Variants in CCDC121 observed in about 807,000 individuals in gnomAD.
CCDC121 encodes the protein coiled-coil domain containing 121.
For synonymous variants in CCDC121, 108 were observed against 120.0 expected, an observed-to-expected ratio of 0.90 and a Z score of 0.65; for missense variants, 238 against 304.1, an observed-to-expected ratio of 0.78 and a Z score of 1.62.
Position 27,627,103 on chromosome 2 carries a change from C to G in CCDC121, c.697G>C (p.Glu233Gln). 4 of 1,614,152 alleles carry G rather than the reference C, an allele frequency of 2.5e-6. No homozygotes were observed. The highest frequency in any genetic ancestry group is 3.4e-6 in the Non-Finnish European group (4 of 1,180,024). Residue 233 changes from glutamate (E) to glutamine (Q), a missense_variant, in exon 2 of 2, where the codon GAA becomes CAA. Coordinates refer to ENST00000324364, the MANE Select transcript of CCDC121 (RefSeq NM_024584.5). ...ATTAAGGACTCCAGATACCACTGTT[C>G]CTGCTGCAGCTGCTGCTTCCTGTTT... ...LENRKQQLQQEQWYLESLIQA... is the reference protein window; with the variant it reads ...LENRKQQLQQQQWYLESLIQA...
chr2:27,627,067 G>A lies in CCDC121; in HGVS notation c.733C>T (p.Gln245Ter), dbSNP rs1673303084. 1 of 1,613,428 alleles carries A rather than the reference G, an allele frequency of 6.2e-7. No individual in the cohort carries two copies. Among genetic ancestry groups the A allele is most frequent in the Non-Finnish European group, 8.5e-7 (1 of 1,179,512 alleles). ...TGATTATGACTTCCTTGCAGTCTCT[G>A]CCTCGCCTGGATTAAGGACTCCAGA... Reference protein sequence around the residue: ...WYLESLIQARQRLQGSHNQCL... With the variant: ...WYLESLIQAR The change falls in exon 2 of 2, where the codon CAG becomes TAG. Residue 245 changes from glutamine to a stop codon, truncating the protein, a stop_gained. Transcript: ENST00000324364. LOFTEE classifies it low-confidence loss of function (END_TRUNC).
chr2:27,627,028 G>A lies in CCDC121; in HGVS notation c.772C>T (p.Gln258Ter). ...QGSHNQCLNRQDVPKTTPSLP... is the reference protein window; with the variant it reads ...QGSHNQCLNR ...CTGGGTGTGGTCTTTGGAACATCCT[G>A]TCTATTTAGGCACTGATTATGACTT... The change falls in exon 2 of 2, where the codon CAG becomes TAG. Residue 258 changes from glutamine to a stop codon, truncating the protein, a stop_gained. Coordinates refer to ENST00000324364, the MANE Select transcript of CCDC121 (RefSeq NM_024584.5). LOFTEE classifies it low-confidence loss of function (END_TRUNC). 6.2e-7 allele frequency: 1 copy of A among 1,614,122 alleles called. No homozygotes were observed. The highest frequency in any genetic ancestry group is 8.5e-7 in the Non-Finnish European group (1 of 1,179,996).
Position 27,628,955 on chromosome 2 carries a change from C to G in CCDC121, c.-124G>C. On this transcript the variant is annotated 5_prime_UTR_variant, in exon 1 of 2. Transcript: ENST00000324364. ...GCAACCGCCGCGCCCCTCACCCGCT[C>G]CTTTCTGACGCTGTGGTGGTTTTCG... 6.4e-7 allele frequency: 1 copy of G among 1,563,670 alleles called. No homozygotes were observed. The highest frequency in any genetic ancestry group is 8.7e-7 in the Non-Finnish European group (1 of 1,154,858).
intron 1 of CCDC121, chr2:27,628,631 T>C (rs1170666282): frequency 5.8e-6 from 9 of 1,551,448 alleles, no homozygotes; most frequent in Admixed American, 2.0e-5. Context: ...CTGAACTGTT[T>C]AACCGCCTCG....
chr2:27,626,375 A>C lies in CCDC121; in HGVS notation c.*588T>G. ...TACCTTCTCAAACTTGTAGGGGCTT[A>C]GCATCAGATGAAAGGTCACTCTGCC... On this transcript the variant is annotated 3_prime_UTR_variant, in exon 2 of 2. Coordinates refer to ENST00000324364, the MANE Select transcript of CCDC121 (RefSeq NM_024584.5). 1 of 152,384 alleles carries C rather than the reference A, an allele frequency of 6.6e-6. No homozygotes were observed. The highest frequency in any genetic ancestry group is 1.9e-4 in the East Asian group (1 of 5,344). 9.4% of individuals were successfully genotyped at this position (152,384 alleles called of 1,614,324 possible). A position where few individuals can be genotyped will look rare whatever the true frequency, so the allele number is the denominator to read the frequency against.
intron 1 of CCDC121, chr2:27,628,636 G>A (rs1350445182): frequency 1.5e-5 from 23 of 1,551,388 alleles, no homozygotes; most frequent in Non-Finnish European, 1.9e-5. Context: ...CTGTTTAACC[G>A]CCTCGGCTAC....
At chr2:27,628,606 C>T in intron 1 of CCDC121, 3 of 1,551,550 alleles carry the variant, frequency 1.9e-6, no homozygotes, top group Non-Finnish European at 1.7e-6. Context: ...TGCTCCAGTC[C>T]CGGCTGGTCC....
chr2:27,628,347 C>A, intron 1 of CCDC121: 1 of 1,494,792 alleles, frequency 6.7e-7, no homozygotes, highest in Non-Finnish European at 8.9e-7. Flanking sequence ...TTCTGAGGGA[C>A]CTTCAGTGAC....
chr2:27,628,374 C>G (rs1286877189), intron 1 of CCDC121: 3 of 1,539,822 alleles, frequency 1.9e-6, no homozygotes, highest in East Asian at 4.9e-5. Context: ...GGAGGAAGCT[C>G]CCCTCCAGTA....
At position 27,627,297 on chromosome 2, in the gene CCDC121, C is replaced by G; in HGVS notation, c.503G>C (p.Arg168Thr). Residue 168 changes from arginine to threonine, a missense_variant, in exon 2 of 2, where the codon AGA becomes ACA. By Grantham distance (71) the Arg-to-Thr change is moderately conservative. Transcript: ENST00000324364. ...CTTCATATTAAGCTCTCTTCTTTTT[C>G]TCTTTCCCAGTAGCCTCCTGTCTGG... ...SEPDRRLLGK[R>T]KRRELNMKAQ... 1 of 1,613,994 alleles carries G rather than the reference C, an allele frequency of 6.2e-7. No individual in the cohort carries two copies. Among genetic ancestry groups the G allele is most frequent in the Non-Finnish European group, 8.5e-7 (1 of 1,179,878 alleles).
chr2:27,627,669 G>T lies in CCDC121; in HGVS notation c.131C>A (p.Thr44Asn), dbSNP rs781002632. Reference protein sequence around the residue: ...AENRFFLEYLTNKTEEYTEQP... With the variant: ...AENRFFLEYLNNKTEEYTEQP... ...CTCTGTGTACTCTTCAGTTTTGTTA[G>T]TCAGGTATTCCAGAAAGAATCTGTT... Residue 44 changes from threonine (T) to asparagine (N), a missense_variant, in exon 2 of 2, where the codon ACT becomes AAT. Transcript: ENST00000324364. The T allele has an allele frequency of 4.3e-6, 7 of 1,612,898 alleles. No individual in the cohort carries two copies. Among genetic ancestry groups the T allele is most frequent in the African/African-American group, 1.3e-5 (1 of 74,586 alleles).
Position 27,626,774 on chromosome 2 carries a change from AGTTAAGGGAAGC to A in CCDC121, c.*177_*188del. On this transcript the variant is annotated 3_prime_UTR_variant, in exon 2 of 2. Coordinates refer to ENST00000324364, the MANE Select transcript of CCDC121 (RefSeq NM_024584.5). ...TTAACGAGTATTTAAAGAAAAAGCTAGTTAAGGGAAGCTGGTTACCAAATATCTAGTAGGACT... is the reference window on the plus strand; with the variant it reads ...TTAACGAGTATTTAAAGAAAAAGCTATGGTTACCAAATATCTAGTAGGACT... 2.0e-6 allele frequency: 1 copy of A among 508,880 alleles called. No individual in the cohort carries two copies. Among genetic ancestry groups the A allele is most frequent in the Non-Finnish European group, 3.5e-6 (1 of 286,082 alleles). The allele number at this position is 508,880 out of a possible 1,614,324, so 31.5% of individuals were successfully genotyped here.
At chr2:27,628,743 G>C in intron 1 of CCDC121, 1 of 1,549,084 alleles carries the variant, frequency 6.5e-7, no homozygotes, top group Non-Finnish European at 8.7e-7. Context: ...TGCTGTGTGA[G>C]CCCTGCCCTC....
chr2:27,628,753 C>T (rs1284747439), intron 1 of CCDC121, 197 bp downstream of exon 1: 9 of 1,545,694 alleles, frequency 5.8e-6, no homozygotes, highest in Non-Finnish European at 7.9e-6. Context: ...GCCCTGCCCT[C>T]GGGACCCCAT....
rs199568016 is a variant in CCDC121 at position 27,627,061 on chromosome 2, GTC to G, written c.737_738del (p.Arg246ThrfsTer6). On this transcript the variant is annotated frameshift_variant, in exon 2 of 2. Coordinates refer to ENST00000324364, the MANE Select transcript of CCDC121 (RefSeq NM_024584.5). LOFTEE classifies it low-confidence loss of function (END_TRUNC). The stretch of plus-strand genomic sequence containing the variant: ...AGGCACTGATTATGACTTCCTTGCA[GTC>G]TCTGCCTCGCCTGGATTAAGGACTC... ...YLESLIQARQ[R>X]LQGSHNQCLN... is the part of the protein sequence containing the mutation. 9.2e-3 allele frequency: 14,922 copies of G among 1,614,164 alleles called. 126 individuals carry two copies. Among genetic ancestry groups the G allele is most frequent in the South Asian group, 0.021 (1,890 of 91,086 alleles).
chr2:27,628,473 A>G, intron 1 of CCDC121: 1 of 1,551,508 alleles, frequency 6.4e-7, no homozygotes, highest in Non-Finnish European at 8.7e-7. Context: ...AATGAGCGCT[A>G]GCATCAGGAA....
At chr2:27,628,376 C>T (rs1303171699) in intron 1 of CCDC121, 2 of 1,542,624 alleles carry the variant, frequency 1.3e-6, no homozygotes, top group Admixed American at 2.0e-5. Context: ...AGGAAGCTCC[C>T]CTCCAGTACC....
Position 27,626,685 on chromosome 2 carries a change from TGTATG to T in CCDC121, c.*273_*277del. Reference sequence around the variant, plus strand: ...GGTTGGTTTCCTTTAGCTAGTTTGATGTATGGTAAATGGCTAGGTTAGGGTCATGT... The same window carrying T: ...GGTTGGTTTCCTTTAGCTAGTTTGATGTAAATGGCTAGGTTAGGGTCATGT... On this transcript the variant is annotated 3_prime_UTR_variant, in exon 2 of 2. Coordinates refer to ENST00000324364, the MANE Select transcript of CCDC121 (RefSeq NM_024584.5). 1 of 311,618 alleles carries T rather than the reference TGTATG, an allele frequency of 3.2e-6. No individual in the cohort carries two copies. The highest frequency in any genetic ancestry group is 5.9e-6 in the Non-Finnish European group (1 of 169,954). The allele number at this position is 311,618 out of a possible 1,614,324, so 19.3% of individuals were successfully genotyped here.
At position 27,627,583 on chromosome 2, in the gene CCDC121, G is replaced by A; in HGVS notation, c.217C>T (p.Gln73Ter). The change falls in exon 2 of 2, where the codon CAA (glutamine) becomes TAA (stop). Residue 73 changes from glutamine (Q) to a stop codon, truncating the protein, a stop_gained. Transcript: ENST00000324364. LOFTEE classifies it low-confidence loss of function (END_TRUNC). ...QKSGEIERRR[Q>*]ESASRYAEQI... ...TCTGCATATCTGGAGGCTGATTCTT[G>A]TCTTCTTCGTTCAATCTCTCCACTT... 1 of 1,614,080 alleles carries A rather than the reference G, an allele frequency of 6.2e-7. No individual in the cohort carries two copies. The highest frequency in any genetic ancestry group is 8.5e-7 in the Non-Finnish European group (1 of 1,180,018).
Sources: allele counts gnomAD v4.1 joint callset, GRCh38; gene constraint gnomAD v4.1.1; transcripts MANE v1.5; gene names NCBI Gene and HGNC (gene_info 2026-07-23, HGNC 2026-07-21).